Variants in ABHD12 observed in about 807,000 individuals in gnomAD.
ABHD12 encodes the protein lysophosphatidylserine lipase ABHD12.
Under a neutral mutation model 58.3 loss-of-function variants are expected in ABHD12, and 43 were observed. The ratio of observed to expected loss-of-function variants is 0.74; its 90% CI spans 0.58 to 0.95. ABHD12 has a LOEUF of 0.95. Among genes scored for constraint, ABHD12 ranks in the 40% least tolerant of loss-of-function variants. The pLI, the probability that ABHD12 is intolerant of heterozygous loss-of-function variation, is 0.00. For missense variants in ABHD12, 539 were observed against 537.2 expected, an observed-to-expected ratio of 1.00 and a Z score of -0.03; for synonymous variants, 219 against 211.2, an observed-to-expected ratio of 1.04 and a Z score of -0.32.
chr20:25,329,557 AG>A (rs2089233518), intron 2 of ABHD12, among the ~76,000 whole-genome samples: 2 of 152,228 alleles, frequency 1.3e-5, no homozygotes, highest in South Asian at 4.1e-4. Context: ...TGAAGAAGTG[AG>A]AATGTGAGTG....
intron 1 of ABHD12, among the ~76,000 whole-genome samples, chr20:25,376,704 C>A (rs571342652): frequency 6.6e-6 from 1 of 152,288 alleles, no homozygotes; most frequent in South Asian, 2.1e-4. Flanking sequence ...TTCATGAGAA[C>A]AGAAGTCCCA....
intron 1 of ABHD12, among the ~76,000 whole-genome samples, chr20:25,367,328 T>C (rs546103325): frequency 1.3e-5 from 2 of 152,274 alleles, no homozygotes; most frequent in Admixed American, 6.5e-5. Flanking sequence ...ACCATTCATA[T>C]TAAGAAAGGG....
chr20:25,306,962 C>T, intron 9 of ABHD12, 47 bp from the exon 10 acceptor site: 1 of 1,389,502 alleles, frequency 7.2e-7, no homozygotes, highest in Non-Finnish European at 1.0e-6. Flanking sequence ...GTTAAGATAT[C>T]CAGGCACAGG....
intron 5 of ABHD12, among the ~76,000 whole-genome samples, chr20:25,315,499 A>C (rs1156684733): frequency 1.3e-5 from 2 of 149,948 alleles, no homozygotes; most frequent in African/African-American, 4.9e-5. Flanking sequence ...TCAAACACCC[A>C]CCCCTGTGCC....
chr20:25,342,103 C>CAGA (rs2089462178), intron 1 of ABHD12, among the ~76,000 whole-genome samples: 1 of 69,804 alleles, frequency 1.4e-5, no homozygotes, highest in Non-Finnish European at 2.9e-5. Flanking sequence ...AACTCTGTCT[C>CAGA]AAAAAAAAAA....
At chr20:25,349,655 ATAT>A (rs1471842773) in intron 1 of ABHD12, among the ~76,000 whole-genome samples, 1 of 152,240 alleles carries the variant, frequency 6.6e-6, no homozygotes, top group East Asian at 1.9e-4. Flanking sequence ...CAAAGGATAA[ATAT>A]TATATGATTC....
At chr20:25,305,385 C>T (rs1249320476) in intron 10 of ABHD12, among the ~76,000 whole-genome samples, 4 of 136,888 alleles carry the variant, frequency 2.9e-5, no homozygotes, top group African/African-American at 8.1e-5. Flanking sequence ...TTTTTTGAGA[C>T]GGAGTCTCGC....
At chr20:25,388,336 C>T (rs529038554) in intron 1 of ABHD12, among the ~76,000 whole-genome samples, 1 of 152,276 alleles carries the variant, frequency 6.6e-6, no homozygotes, top group Non-Finnish European at 1.5e-5. Context: ...CTACTACGTG[C>T]CAGGTACTGG....
At chr20:25,383,954 C>CAAAAAAAAAAAAAAAAAAAAAA (rs1201588127) in intron 1 of ABHD12, among the ~76,000 whole-genome samples, 1 of 53,374 alleles carries the variant, frequency 1.9e-5, no homozygotes. Flanking sequence ...GACTCTTTCT[C>CAAAAAAAAAAAAAAAAAAAAAA]AAAAAAAAAA....
rs1600801654 is a variant in ABHD12, at chr20:25,325,678, C to T, written c.317-2248G>A. Among the ~76,000 whole-genome samples, 7 of 152,296 alleles carry T rather than the reference C, an allele frequency of 4.6e-5. No individual in the cohort carries two copies. In the South Asian group the frequency reaches 1.5e-3, roughly 32 times the overall value. On this transcript the variant is annotated intron_variant, in intron 2 of 12. Transcript: ENST00000339157. ...AGCATCTCAGGAGGAGCTGGGCCCA[C>T]CCACACCTCGACCTCAGACTCCCAG...
At chr20:25,358,915 T>C (rs1600849034) in intron 1 of ABHD12, among the ~76,000 whole-genome samples, 1 of 152,264 alleles carries the variant, frequency 6.6e-6, no homozygotes, top group South Asian at 2.1e-4. Context: ...TTACAGCTTA[T>C]AAAATCATAT....
chr20:25,327,690 T>TATAA (rs1322222837), intron 2 of ABHD12, among the ~76,000 whole-genome samples: 1 of 152,188 alleles, frequency 6.6e-6, no homozygotes, highest in African/African-American at 2.4e-5. Context: ...GCCTGGGGAC[T>TATAA]AGACTGCCTT....
intron 3 of ABHD12, 75 bp from the exon 4 acceptor site, chr20:25,320,393 T>TCCTGGTGACTGC: frequency 1.3e-6 from 2 of 1,596,906 alleles, no homozygotes; most frequent in African/African-American, 2.7e-5. Flanking sequence ...CACGTGGTGT[T>TCCTGGTGACTGC]ACTTAATCAG....
chr20:25,325,448 G>A (rs1319642581), intron 2 of ABHD12, among the ~76,000 whole-genome samples: 1 of 152,192 alleles, frequency 6.6e-6, no homozygotes, highest in Non-Finnish European at 1.5e-5. Flanking sequence ...CTTTATGGAG[G>A]TAATCAAGCT....
At chr20:25,303,286 T>G in intron 11 of ABHD12, 1 of 1,307,228 alleles carries the variant, frequency 7.6e-7, no homozygotes, top group Non-Finnish European at 9.8e-7. Flanking sequence ...CTGGGAACTA[T>G]CTGCTTATTT....
At chr20:25,308,354 G>A (rs2088784828) in intron 8 of ABHD12, 103 bp downstream of exon 8, 10 of 1,445,632 alleles carry the variant, frequency 6.9e-6, no homozygotes, top group Non-Finnish European at 9.5e-6. Flanking sequence ...AGAATGTGCA[G>A]CTCATGCTGC....
chr20:25,389,530 C>G (rs2090140834), intron 1 of ABHD12, among the ~76,000 whole-genome samples: 1 of 152,194 alleles, frequency 6.6e-6, no homozygotes, highest in Admixed American at 6.5e-5. Flanking sequence ...CACGAAGTAG[C>G]AAGGCTTCAA....
chr20:25,326,645 A>G (rs974360082), intron 2 of ABHD12, among the ~76,000 whole-genome samples: 1 of 152,252 alleles, frequency 6.6e-6, no homozygotes, highest in Non-Finnish European at 1.5e-5. Flanking sequence ...GGCCAAGTAT[A>G]TAATAAGACT....
chr20:25,294,832 C>G (rs1338368002), exon 13 of ABHD12: 8 of 865,632 alleles, frequency 9.2e-6, no homozygotes, highest in Non-Finnish European at 1.6e-5. Flanking sequence ...AGGTTTGCAG[C>G]TCAGGGCAGT....
Sources: allele counts gnomAD v4.1 joint callset (sites outside exome capture counted in the v4.1 genomes callset), GRCh38; gene constraint gnomAD v4.1.1; transcripts MANE v1.5; gene names NCBI Gene and HGNC (gene_info 2026-07-23, HGNC 2026-07-21).